LGALS2: variants seen among roughly 807,000 people sequenced by gnomAD.
The protein encoded by LGALS2 is galectin-2.
Under a neutral mutation model 10.1 loss-of-function variants are expected in LGALS2, and 7 were observed. The observed-to-expected ratio is 0.70, with a 90% CI of 0.40 to 1.31. The LOEUF (loss-of-function observed/expected upper bound fraction) is 1.31, where lower values mean the gene tolerates loss of function less well. LGALS2 is among the 50% of genes most tolerant of loss of function. LGALS2 has a pLI of 0.01. For missense variants in LGALS2, 167 were observed against 163.6 expected (o/e 1.02, Z -0.11); for synonymous variants, 86 against 64.2 (o/e 1.34, Z -1.63).
intron 1 of LGALS2, among the ~76,000 whole-genome samples, chr22:37,579,184 G>A (rs1469791375): frequency 6.8e-6 from 1 of 147,494 alleles, no homozygotes; most frequent in East Asian, 2.0e-4. Flanking sequence ...GGCAGCAGAG[G>A]TTGCAGTGAG....
intron 1 of LGALS2, 43 bp from the exon 2 acceptor site, chr22:37,571,974 A>G (rs1454168123): frequency 1.3e-6 from 2 of 1,523,242 alleles, no homozygotes; most frequent in Admixed American, 1.7e-5. Context: ...CCCACAGAAA[A>G]TCAATCCCAC....
Position 37,570,412 on chromosome 22 carries a change from A to G in LGALS2, c.250T>C (p.Phe84Leu), listed in dbSNP as rs543104280. The G allele has an allele frequency of 1.2e-6, 2 of 1,612,910 alleles. No individual in the cohort carries two copies. The highest frequency in any genetic ancestry group is 3.3e-5 in the Admixed American group (2 of 59,998). The change falls in exon 4 of 4, where the codon TTC (phenylalanine) becomes CTC (leucine). Residue 84 changes from phenylalanine to leucine, a missense_variant and splice_region_variant. Physicochemically the swap from Phe to Leu is conservative, Grantham distance 22. Transcript: ENST00000215886. ...TTGTCACTCTCAAAGGTCACTGTGA[A>G]CTGTGGGGAGGGAGGGTGTCAAGGA... ...LCFSPGSEVK[F>L]TVTFESDKFK...
intron 1 of LGALS2, among the ~76,000 whole-genome samples, chr22:37,577,274 A>G (rs1925714619): frequency 6.6e-6 from 1 of 151,866 alleles, no homozygotes. Flanking sequence ...CCCCTGGCAC[A>G]TTCACATCCT....
At chr22:37,577,352 C>CTTTT (rs35255946) in intron 1 of LGALS2, among the ~76,000 whole-genome samples, 2 of 136,764 alleles carry the variant, frequency 1.5e-5, no homozygotes, top group African/African-American at 2.7e-5. Flanking sequence ...TCAATGTGAC[C>CTTTT]TTTTTTTTTT....
intron 1 of LGALS2, chr22:37,578,529 A>G (rs1311959622): frequency 2.6e-5 from 4 of 152,256 alleles, no homozygotes; most frequent in Admixed American, 2.0e-4. Context: ...ATAAAGATCA[A>G]TGGAGGCCAG....
rs770750407 is a variant in LGALS2, at chr22:37,570,694, A to T, written c.131T>A (p.Leu44Gln). 6.2e-7 allele frequency: 1 copy of T among 1,614,144 alleles called. No individual in the cohort carries two copies. Among genetic ancestry groups the T allele is most frequent in the Non-Finnish European group, 8.5e-7 (1 of 1,180,056 alleles). Residue 44 changes from leucine to glutamine, a missense_variant, in exon 3 of 4, where the codon CTG becomes CAG. Coordinates refer to ENST00000215886, the MANE Select transcript of LGALS2 (RefSeq NM_006498.3). ...NLGQGTDKLNLHFNPRFSEST... is the reference protein window; with the variant it reads ...NLGQGTDKLNQHFNPRFSEST... ...TTCGCTGAAGCGAGGGTTGAAATGC[A>T]GGTTCAGCTTGTCTGTCCCCTGGCC...
At chr22:37,575,978 C>A (rs1925661648) in intron 1 of LGALS2, among the ~76,000 whole-genome samples, 1 of 152,194 alleles carries the variant, frequency 6.6e-6, no homozygotes, top group African/African-American at 2.4e-5. Context: ...GTCAGTGACA[C>A]CCTCCCCTGA....
Position 37,570,308 on chromosome 22 carries a change from G to T in LGALS2, c.354C>A (p.Ser118Arg). 6.2e-7 allele frequency: 1 copy of T among 1,613,542 alleles called. No individual in the cohort carries two copies. The highest frequency in any genetic ancestry group is 1.1e-5 in the South Asian group (1 of 91,068). Reference sequence around the variant, plus strand: ...AGGACATGTTGAACCCGCCCCTTACGCTCAGGTAGCTCAGGTGGCTGTGAC... The same window carrying T: ...AGGACATGTTGAACCCGCCCCTTACTCTCAGGTAGCTCAGGTGGCTGTGAC... ...RLGHSHLSYL[S>R]VRGGFNMSSF... Residue 118 changes from serine to arginine, a missense_variant, in exon 4 of 4, where the codon AGC becomes AGA. Physicochemically the swap from Ser to Arg is moderately radical, Grantham distance 110. Coordinates refer to ENST00000215886, the MANE Select transcript of LGALS2 (RefSeq NM_006498.3).
chr22:37,573,893 A>G (rs1925581172), intron 1 of LGALS2, among the ~76,000 whole-genome samples: 1 of 151,586 alleles, frequency 6.6e-6, no homozygotes, highest in Admixed American at 6.6e-5. Flanking sequence ...ACCATGCCTA[A>G]TTTTTGCATT....
rs757804781 is a variant in LGALS2 at position 37,570,582 on chromosome 22, C to G, written c.243G>C (p.Glu81Asp). The G allele has an allele frequency of 6.2e-6, 10 of 1,614,144 alleles. No homozygotes were observed. In the East Asian group the frequency reaches 2.2e-4, roughly 36 times the overall value. The change falls in exon 3 of 4, where the codon GAG (glutamate) becomes GAC (aspartate). Residue 81 changes from glutamate (E) to aspartate (D), a missense_variant. Glu to Asp is a conservative substitution (Grantham distance 45). Transcript: ENST00000215886. ...EDHLCFSPGSEVKFTVTFESD... is the reference protein window; with the variant it reads ...EDHLCFSPGSDVKFTVTFESD... ...TTTCCCCCTTTGACCTCACCTTGAC[C>G]TCTGACCCTGGGCTGAAGCACAGGT...
chr22:37,578,288 G>C (rs9610808), intron 1 of LGALS2, among the ~76,000 whole-genome samples: 69,476 of 151,950 alleles, frequency 0.46, 16,242 homozygotes, highest in African/African-American at 0.5. Flanking sequence ...CTTGGGTTTT[G>C]TGTGTGGGTA....
intron 1 of LGALS2, chr22:37,578,629 A>C (rs1925756901): frequency 6.6e-6 from 1 of 152,148 alleles, no homozygotes; most frequent in Non-Finnish European, 1.5e-5. Context: ...CAGCCTGAGC[A>C]ACATAGTGAG....
intron 2 of LGALS2, among the ~76,000 whole-genome samples, chr22:37,571,616 G>A (rs1781441077): frequency 1.3e-5 from 2 of 152,206 alleles, no homozygotes; most frequent in South Asian, 4.1e-4. Flanking sequence ...TTCAATGGCT[G>A]TTGGGGCAAA....
At chr22:37,571,359 G>T (rs556823374) in intron 2 of LGALS2, among the ~76,000 whole-genome samples, 1 of 152,354 alleles carries the variant, frequency 6.6e-6, no homozygotes, top group East Asian at 1.9e-4. Flanking sequence ...ATGTTCTGCA[G>T]GCGAGAGAGC....
chr22:37,575,311 G>A (rs1028111257), intron 1 of LGALS2, among the ~76,000 whole-genome samples: 24 of 147,146 alleles, frequency 1.6e-4, no homozygotes, highest in Non-Finnish European at 1.8e-4. Flanking sequence ...GAGCTCAAAC[G>A]ATTCTCCTGC....
chr22:37,571,856 T>G lies in LGALS2; in HGVS notation c.82A>C (p.Thr28Pro), dbSNP rs773894041. The change falls in exon 2 of 4, where the codon ACT becomes CCT. Residue 28 changes from threonine to proline, a missense_variant. Transcript: ENST00000215886. ...CCCTGAAACCTTGCTCACCCATCAG[T>G]GCCATCGGCGATGCTGCCTGTGATC... ...LKITGSIADG[T>P]DGFVINLGQG... 6.2e-6 allele frequency: 10 copies of G among 1,613,816 alleles called. No individual in the cohort carries two copies.
At chr22:37,570,876 A>G in intron 2 of LGALS2, 141 bp from the exon 3 acceptor site, 2 of 880,382 alleles carry the variant, frequency 2.3e-6, no homozygotes, top group Non-Finnish European at 1.8e-6. Flanking sequence ...CAAGGGAGGT[A>G]ACAACCTGCT....
At chr22:37,579,567 G>A (rs1925787660) in intron 1 of LGALS2, among the ~76,000 whole-genome samples, 1 of 152,140 alleles carries the variant, frequency 6.6e-6, no homozygotes, top group Middle Eastern at 3.4e-3. Flanking sequence ...CCATTAGCTG[G>A]GATTACAGGC....
At position 37,576,542 on chromosome 22, in the gene LGALS2, A is replaced by G. The variant is rs909390248; in HGVS notation, c.6+3358T>C. Among the ~76,000 whole-genome samples the G allele has an allele frequency of 4.6e-5, 7 of 151,818 alleles. 1 individual carries two copies. Among genetic ancestry groups the G allele is most frequent in the African/African-American group, 1.7e-4 (7 of 41,324 alleles). On this transcript the variant is annotated intron_variant, in intron 1 of 3. Transcript: ENST00000215886. The stretch of plus-strand genomic sequence containing the variant: ...AGGTTATCCAGTGAGGACAGTCCAA[A>G]AGGGGCTCAAACAAGAAACAGAAGA...
Sources: gnomAD v4.1 joint callset for allele counts (sites outside exome capture counted in the v4.1 genomes callset) on GRCh38, gnomAD v4.1.1 for gene constraint, MANE v1.5 for transcripts, NCBI Gene and HGNC (gene_info 2026-07-23, HGNC 2026-07-21) for gene names.